The following LRRC69 variants were observed in gnomAD, a reference collection of about 807,000 sequenced individuals.
LRRC69 encodes leucine-rich repeat-containing protein 69.
In LRRC69, 42 loss-of-function variants were observed where a neutral mutation model predicts 37.8. The observed-to-expected ratio is 1.11, with a 90% CI of 0.87 to 1.44. LRRC69 has a LOEUF of 1.44. Among genes scored for constraint, LRRC69 ranks in the 40% most tolerant of loss-of-function variants. The pLI is 0.00. For synonymous variants in LRRC69, 141 were observed against 143.1 expected (o/e 0.99, Z 0.11); for missense variants, 357 against 401.9 (o/e 0.89, Z 0.96).
At chr8:91,165,965 AG>A (rs1809021342) in intron 5 of LRRC69, among the ~76,000 whole-genome samples, 2 of 151,634 alleles carry the variant, frequency 1.3e-5, no homozygotes, top group African/African-American at 4.8e-5. Context: ...CCTCTTTTTT[AG>A]GTCATAATAG....
chr8:91,176,134 A>ATATATATATATATATATTTTTTTT, intron 5 of LRRC69, among the ~76,000 whole-genome samples: 1 of 75,710 alleles, frequency 1.3e-5, no homozygotes, highest in African/African-American at 6.1e-5. Context: ...ATATATATAT[A>ATATATATATATATATATTTTTTTT]TTTTTTTTTT....
chr8:91,203,944 C>T (rs1379641532), intron 7 of LRRC69, among the ~76,000 whole-genome samples: 1 of 150,918 alleles, frequency 6.6e-6, no homozygotes, highest in Non-Finnish European at 1.5e-5. Context: ...ACAGTGAAAC[C>T]CCGTCTCTAC....
intron 1 of LRRC69, among the ~76,000 whole-genome samples, chr8:91,122,463 CATCTAGGT>C (rs1381216020): frequency 6.6e-6 from 1 of 152,080 alleles, no homozygotes; most frequent in Admixed American, 6.6e-5. Context: ...GCCTACTTCA[CATCTAGGT>C]ATCTCTTTGT....
chr8:91,167,856 C>G (rs1809056744), intron 5 of LRRC69, among the ~76,000 whole-genome samples: 1 of 151,918 alleles, frequency 6.6e-6, no homozygotes, highest in African/African-American at 2.4e-5. Flanking sequence ...ACGATGTTCC[C>G]TTTTTGGTGA....
At chr8:91,184,284 C>T (rs1809370169) in intron 5 of LRRC69, among the ~76,000 whole-genome samples, 2 of 151,866 alleles carry the variant, frequency 1.3e-5, no homozygotes, top group Non-Finnish European at 2.9e-5. Flanking sequence ...ACCCACTCAT[C>T]CCCCCACCCC....
intron 1 of LRRC69, among the ~76,000 whole-genome samples, chr8:91,111,427 G>A (rs540335193): frequency 4.6e-5 from 7 of 152,086 alleles, no homozygotes; most frequent in South Asian, 4.1e-4. Context: ...CCAGCTACTC[G>A]GGAGGCTGAG....
intron 7 of LRRC69, among the ~76,000 whole-genome samples, chr8:91,202,418 A>T (rs921354291): frequency 2.6e-5 from 4 of 152,162 alleles, no homozygotes; most frequent in African/African-American, 7.2e-5. Flanking sequence ...CAGAAACACA[A>T]TTCAGCCCAT....
At chr8:91,199,417 C>G (rs1021438949) in intron 6 of LRRC69, among the ~76,000 whole-genome samples, 1 of 152,050 alleles carries the variant, frequency 6.6e-6, no homozygotes, top group African/African-American at 2.4e-5. Context: ...AGGCAGCTTT[C>G]TCGGGTGCTT....
intron 6 of LRRC69, 124 bp from the exon 7 acceptor site, chr8:91,200,486 TGCA>T: frequency 1.6e-6 from 1 of 610,534 alleles, no homozygotes; most frequent in Non-Finnish European, 2.6e-6. Flanking sequence ...TTAGATACAC[TGCA>T]GAATCTTAAT....
intron 5 of LRRC69, among the ~76,000 whole-genome samples, chr8:91,181,560 C>T (rs1159459387): frequency 6.6e-6 from 1 of 152,134 alleles, no homozygotes; most frequent in Non-Finnish European, 1.5e-5. Flanking sequence ...AGATTTACTG[C>T]TTTAGTTGTG....
intron 5 of LRRC69, among the ~76,000 whole-genome samples, chr8:91,137,415 A>G (rs1808441183): frequency 6.6e-6 from 1 of 152,084 alleles, no homozygotes; most frequent in South Asian, 2.1e-4. Flanking sequence ...GTAAACTTCC[A>G]GAGAAAGAAT....
intron 6 of LRRC69, among the ~76,000 whole-genome samples, chr8:91,191,920 G>A (rs979180586): frequency 2.0e-5 from 3 of 151,764 alleles, no homozygotes; most frequent in Non-Finnish European, 4.4e-5. Flanking sequence ...ATGCACACAT[G>A]TGCCATGCTG....
At chr8:91,135,638 A>G in intron 4 of LRRC69, 30 bp from the exon 5 acceptor site, 1 of 1,324,126 alleles carries the variant, frequency 7.6e-7, no homozygotes, top group Non-Finnish European at 1.0e-6. Flanking sequence ...TTAGATTTAA[A>G]AAATCTCTCT....
At chr8:91,172,803 G>A (rs1474452867) in intron 5 of LRRC69, among the ~76,000 whole-genome samples, 1 of 151,998 alleles carries the variant, frequency 6.6e-6, no homozygotes, top group Non-Finnish European at 1.5e-5. Flanking sequence ...ATGAGCCACT[G>A]TTCCTGGCCA....
chr8:91,111,410 T>G (rs1467519217), intron 1 of LRRC69, among the ~76,000 whole-genome samples: 1 of 151,940 alleles, frequency 6.6e-6, no homozygotes, highest in Non-Finnish European at 1.5e-5. Context: ...GGCAGGCGCA[T>G]GTAATCCCAG....
chr8:91,206,201 C>G (rs1262523498), intron 7 of LRRC69, among the ~76,000 whole-genome samples: 1 of 152,184 alleles, frequency 6.6e-6, no homozygotes, highest in Non-Finnish European at 1.5e-5. Context: ...CAACATATTA[C>G]ATCTCTATGT....
At chr8:91,189,700 A>T (rs1335065574) in intron 6 of LRRC69, 77 bp downstream of exon 6, 3 of 979,968 alleles carry the variant, frequency 3.1e-6, no homozygotes, top group Non-Finnish European at 3.0e-6. Context: ...CTTTTAAAAC[A>T]TTCTTGCCAA....
chr8:91,161,333 C>A (rs1051897760), intron 5 of LRRC69, among the ~76,000 whole-genome samples: 1 of 151,208 alleles, frequency 6.6e-6, no homozygotes, highest in East Asian at 1.9e-4. Flanking sequence ...GAAGAATTTC[C>A]TTCTTTCTTT....
At chr8:91,159,315 A>T (rs562990709) in intron 5 of LRRC69, among the ~76,000 whole-genome samples, 1 of 151,436 alleles carries the variant, frequency 6.6e-6, no homozygotes, top group South Asian at 2.1e-4. Flanking sequence ...GAGTTGAGAT[A>T]CAATTCTATA....
Sources: gnomAD v4.1 joint callset for allele counts (sites outside exome capture counted in the v4.1 genomes callset) on GRCh38, gnomAD v4.1.1 for gene constraint, MANE v1.5 for transcripts, NCBI Gene and HGNC (gene_info 2026-07-23, HGNC 2026-07-21) for gene names.